LRP5: variants seen among roughly 807,000 people sequenced by gnomAD.
The protein encoded by LRP5 is LDL receptor related protein 5, also known as low-density lipoprotein receptor-related protein 5.
A neutral mutation model predicts 154.1 loss-of-function variants in LRP5; 62 were observed. That is an observed-to-expected ratio of 0.40 (90% CI 0.33 to 0.50). The LOEUF is 0.50. Among genes scored for constraint, LRP5 ranks in the 20% least tolerant of loss-of-function variants. LRP5 has a pLI of 0.55. For missense variants in LRP5, 1,915 were observed against 2,336.7 expected, an observed-to-expected ratio of 0.82 and a Z score of 3.72; for synonymous variants, 966 against 1,011.5, an observed-to-expected ratio of 0.96 and a Z score of 0.85.
upstream of LRP5, among the ~76,000 whole-genome samples, chr11:68,309,747 C>G (rs1052745758): frequency 2.0e-5 from 3 of 152,162 alleles, no homozygotes; most frequent in South Asian, 6.2e-4. Flanking sequence ...CATCCTGGGC[C>G]CCCTTCCCTT....
Position 68,407,741 on chromosome 11 carries a change from G to C in LRP5, c.2091+928G>C, listed in dbSNP as rs1333298332. Among the ~76,000 whole-genome samples the C allele has an allele frequency of 9.9e-5, 15 of 152,148 alleles. No individual in the cohort carries two copies. In the East Asian group the frequency reaches 1.6e-3, roughly 16 times the overall value. On this transcript the variant is annotated intron_variant, in intron 9 of 22. Coordinates refer to ENST00000294304, the MANE Select transcript of LRP5 (RefSeq NM_002335.4). ...GCCTGCCTGTAATCGCAGCTACTCA[G>C]GAGGCTGAAGCAGGAGAATTGCTTG...
chr11:68,345,328 C>T (rs1373573814), intron 1 of LRP5, among the ~76,000 whole-genome samples: 1 of 152,110 alleles, frequency 6.6e-6, no homozygotes, highest in Non-Finnish European at 1.5e-5. Flanking sequence ...CGCTGTGTCA[C>T]CCAGGCTGGA....
intron 14 of LRP5, among the ~76,000 whole-genome samples, chr11:68,424,555 G>C (rs1348464531): frequency 6.6e-6 from 1 of 152,250 alleles, no homozygotes; most frequent in African/African-American, 2.4e-5. Flanking sequence ...CTTAGCAGCT[G>C]TGGGGGGCCT....
intron 9 of LRP5, among the ~76,000 whole-genome samples, chr11:68,407,055 C>T (rs1196490859): frequency 2.6e-5 from 4 of 152,160 alleles, no homozygotes; most frequent in Non-Finnish European, 4.4e-5. Context: ...ATTTGTTGTC[C>T]GTTGAGCTTG....
intron 7 of LRP5, 23 bp downstream of exon 7, chr11:68,390,075 T>C: frequency 6.2e-7 from 1 of 1,613,750 alleles, no homozygotes; most frequent in Non-Finnish European, 8.5e-7. Context: ...TGGACATGTT[T>C]GATCCAGGAG....
At chr11:68,343,815 G>A (rs899668853) in intron 1 of LRP5, among the ~76,000 whole-genome samples, 3 of 152,162 alleles carry the variant, frequency 2.0e-5, no homozygotes, top group Non-Finnish European at 4.4e-5. Context: ...TGTGCCTGCA[G>A]ACCCCCTCGC....
intron 1 of LRP5, among the ~76,000 whole-genome samples, chr11:68,329,820 A>C (rs2098601724): frequency 1.3e-5 from 2 of 152,080 alleles, no homozygotes. Context: ...TTCTCTCACT[A>C]TTTGCCATGG....
At chr11:68,404,958 C>T (rs191468578) in intron 8 of LRP5, among the ~76,000 whole-genome samples, 5,767 of 125,416 alleles carry the variant, frequency 0.046, 162 homozygotes, top group Non-Finnish European at 0.067. Flanking sequence ...GCCTGGGCGA[C>T]AGAGCGAGAC....
chr11:68,332,536 G>A (rs1012856279), intron 1 of LRP5, among the ~76,000 whole-genome samples: 22 of 152,380 alleles, frequency 1.4e-4, no homozygotes, highest in Middle Eastern at 3.4e-3. Flanking sequence ...GCGGGCTTAC[G>A]GAGGACGTGG....
intron 1 of LRP5, among the ~76,000 whole-genome samples, chr11:68,317,075 G>A (rs913959818): frequency 6.6e-6 from 1 of 152,238 alleles, no homozygotes; most frequent in Admixed American, 6.5e-5. Context: ...AGGCCGCCCT[G>A]GAGGGCTGTC....
intron 7 of LRP5, among the ~76,000 whole-genome samples, chr11:68,395,108 C>G (rs1281427971): frequency 6.6e-6 from 1 of 152,086 alleles, no homozygotes; most frequent in Non-Finnish European, 1.5e-5. Flanking sequence ...CAAGACCAGC[C>G]TGGCCAACAT....
chr11:68,430,309 G>A (rs2098671197), intron 17 of LRP5, among the ~76,000 whole-genome samples: 1 of 152,076 alleles, frequency 6.6e-6, no homozygotes, highest in African/African-American at 2.4e-5. Flanking sequence ...GAGTAGCTGG[G>A]ATTACAGGTG....
chr11:68,438,224 C>CG (rs1001813480), intron 19 of LRP5, among the ~76,000 whole-genome samples: 2 of 152,094 alleles, frequency 1.3e-5, no homozygotes, highest in African/African-American at 4.8e-5. Flanking sequence ...CGGACAGCGG[C>CG]GGGGGTCAGA....
Position 68,312,817 on chromosome 11 carries a change from C to T in LRP5, c.91+12C>T, listed in dbSNP as rs976965563. 5 of 1,040,172 alleles carry T rather than the reference C, an allele frequency of 4.8e-6. No homozygotes were observed. Among genetic ancestry groups the T allele is most frequent in the Non-Finnish European group, 5.8e-6 (5 of 867,222 alleles). The allele number at this position is 1,040,172 out of a possible 1,614,324, so 64.4% of individuals were successfully genotyped here. Reference sequence around the variant, plus strand: ...GGCCCCCGCCGCGGGTAGGTGGGCGCAGGCCGGCCGGGGGCCGCGGGTTGC... The same window carrying T: ...GGCCCCCGCCGCGGGTAGGTGGGCGTAGGCCGGCCGGGGGCCGCGGGTTGC... On this transcript the variant is annotated intron_variant, in intron 1 of 22. Coordinates refer to ENST00000294304, the MANE Select transcript of LRP5 (RefSeq NM_002335.4).
intron 1 of LRP5, among the ~76,000 whole-genome samples, chr11:68,314,978 T>C (rs1317166874): frequency 6.6e-6 from 1 of 152,216 alleles, no homozygotes; most frequent in Admixed American, 6.5e-5. Context: ...ATTTCAGCCG[T>C]GCTGTGTCAC....
At chr11:68,319,696 A>G (rs1398199188) in intron 1 of LRP5, among the ~76,000 whole-genome samples, 2 of 152,326 alleles carry the variant, frequency 1.3e-5, no homozygotes, top group East Asian at 3.9e-4. Flanking sequence ...GTTAAAAGCC[A>G]AGTGCCATTT....
intron 17 of LRP5, among the ~76,000 whole-genome samples, chr11:68,430,194 G>A (rs2098671128): frequency 6.6e-6 from 1 of 152,178 alleles, no homozygotes; most frequent in South Asian, 2.1e-4. Context: ...TTGTTTTTGA[G>A]ACAGTGTCTT....
chr11:68,341,962 G>A lies in LRP5; in HGVS notation c.92-5885G>A, dbSNP rs553213593. 3.9e-5 allele frequency among the ~76,000 whole-genome samples: 6 copies of A among 152,250 alleles called. No homozygotes were observed. The South Asian group carries it at 1.0e-3, about 26-fold the overall frequency. ...GTGGGCCAGCTGGTGCTGGGCACTC[G>A]CCTGCTGGAGGAGTGAGTGCCCATG... On this transcript the variant is annotated intron_variant, in intron 1 of 22. Transcript: ENST00000294304.
At position 68,425,231 on chromosome 11, in the gene LRP5, A is replaced by G; in HGVS notation, c.3366A>G (p.Thr1122=). ...CTGTGGCCCTGGTGGTGGACAACAC[A>G]CTGGGCAAGCTGTTCTGGGTGGACG... is the stretch of plus-strand genomic sequence containing the variant. ...IRPVALVVDN[T]LGKLFWVDAD... Residue 1122 remains threonine (T), a synonymous_variant, in exon 15 of 23, where the codon ACA becomes ACG. Transcript: ENST00000294304. The G allele has an allele frequency of 6.2e-7, 1 of 1,611,926 alleles. No homozygotes were observed. The highest frequency in any genetic ancestry group is 8.5e-7 in the Non-Finnish European group (1 of 1,179,826).
Sources: allele counts gnomAD v4.1 joint callset (sites outside exome capture counted in the v4.1 genomes callset), GRCh38; gene constraint gnomAD v4.1.1; transcripts MANE v1.5; gene names NCBI Gene and HGNC (gene_info 2026-07-23, HGNC 2026-07-21).